NRXN3: variants seen among roughly 807,000 people sequenced by gnomAD.
The protein encoded by NRXN3 is neurexin 3.
A neutral mutation model predicts 137.6 loss-of-function variants in NRXN3; 32 were observed. The observed-to-expected ratio is 0.23, with a 90% CI of 0.18 to 0.31. NRXN3 has a LOEUF of 0.31. Among genes scored for constraint, NRXN3 ranks in the 10% least tolerant of loss-of-function variants. The probability of loss-of-function intolerance (pLI) is 1.00; values close to 1 mark genes in which losing one functional copy is unlikely to be tolerated. For missense variants in NRXN3, 1,574 were observed against 2,062.5 expected (o/e 0.76, Z 4.59); for synonymous variants, 798 against 784.5 (o/e 1.02, Z -0.29).
chr14:79,504,483 A>G lies in NRXN3; in HGVS notation c.3444+37081A>G, dbSNP rs1283719178. ...ACTTACGTCTTCCAAAAAGACTACCAGGATTAAACCAACCACTGAATCATC... is the reference window on the plus strand; with the variant it reads ...ACTTACGTCTTCCAAAAAGACTACCGGGATTAAACCAACCACTGAATCATC... On this transcript the variant is annotated intron_variant, in intron 16 of 20. Transcript: ENST00000335750. Among the ~76,000 whole-genome samples the G allele has an allele frequency of 2.6e-5, 4 of 151,604 alleles. No homozygotes were observed. In the East Asian group the frequency reaches 5.8e-4, roughly 22 times the overall value.
chr14:78,913,274 CTTTTTTTTTTTTTTTT>C (rs1157942892), intron 10 of NRXN3, among the ~76,000 whole-genome samples: 1 of 47,852 alleles, frequency 2.1e-5, no homozygotes, highest in Non-Finnish European at 3.5e-5. Flanking sequence ...TTCTTTCTTT[CTTTTTTTTTTTTTTTT>C]TTTTTTTTGA....
At chr14:78,269,212 TCTGTAA>T (rs1333103399) in intron 2 of NRXN3, among the ~76,000 whole-genome samples, 1 of 152,192 alleles carries the variant, frequency 6.6e-6, no homozygotes, top group Non-Finnish European at 1.5e-5. Context: ...AGCCAGGGCT[TCTGTAA>T]CTAAAATGTG....
intron 15 of NRXN3, among the ~76,000 whole-genome samples, chr14:79,236,344 T>C (rs1246651426): frequency 1.3e-5 from 2 of 152,132 alleles, no homozygotes; most frequent in Non-Finnish European, 2.9e-5. Context: ...TATGTGTGTG[T>C]ATATGTACAT....
chr14:78,321,231 A>G (rs1306055190), intron 4 of NRXN3, among the ~76,000 whole-genome samples: 1 of 152,050 alleles, frequency 6.6e-6, no homozygotes, highest in Non-Finnish European at 1.5e-5. Flanking sequence ...AGCTCTTTCC[A>G]GTGTCTCGTG....
At chr14:79,476,481 G>A (rs2096560853) in intron 16 of NRXN3, among the ~76,000 whole-genome samples, 2 of 152,086 alleles carry the variant, frequency 1.3e-5, no homozygotes, top group South Asian at 4.1e-4. Flanking sequence ...GACAGGAAAT[G>A]AGTTGTCATT....
intron 4 of NRXN3, among the ~76,000 whole-genome samples, chr14:78,606,425 A>G (rs1189802139): frequency 6.6e-6 from 1 of 152,108 alleles, no homozygotes; most frequent in East Asian, 1.9e-4. Context: ...TCATTCTTCT[A>G]GACTAACTCA....
intron 4 of NRXN3, among the ~76,000 whole-genome samples, chr14:78,598,320 C>T (rs934876274): frequency 2.0e-5 from 3 of 151,434 alleles, no homozygotes; most frequent in Admixed American, 6.6e-5. Flanking sequence ...CACTGACTGC[C>T]AAGGGGGCTC....
intron 16 of NRXN3, among the ~76,000 whole-genome samples, chr14:79,581,696 G>T (rs908645130): frequency 4.3e-4 from 66 of 152,158 alleles, no homozygotes; most frequent in African/African-American, 1.5e-3. Flanking sequence ...TTCTGAAAAC[G>T]CTAATGACTG....
intron 6 of NRXN3, among the ~76,000 whole-genome samples, chr14:78,698,733 C>A (rs950439441): frequency 1.3e-5 from 2 of 151,998 alleles, no homozygotes; most frequent in Non-Finnish European, 2.9e-5. Context: ...TGATAGCTGC[C>A]ACTCTGGGGT....
chr14:79,856,062 A>G (rs957848512), intron 20 of NRXN3, among the ~76,000 whole-genome samples: 3 of 152,162 alleles, frequency 2.0e-5, no homozygotes, highest in Non-Finnish European at 4.4e-5. Context: ...ATTGTTGAAA[A>G]ATATAATCTG....
rs552600065 is a variant in NRXN3 at position 79,713,414 on chromosome 14, A to ATAAT, written c.4014+15484_4014+15487dup. On this transcript the variant is annotated intron_variant, in intron 19 of 20. Coordinates refer to ENST00000335750, the MANE Select transcript of NRXN3 (RefSeq NM_001330195.2). Reference sequence around the variant, plus strand: ...ACATACACACAAAAAATGAATAGCTATAATTAATTAGCATAAAGTTTTGAG... The same window carrying ATAAT: ...ACATACACACAAAAAATGAATAGCTATAATTAATTAATTAGCATAAAGTTTTGAG... 3.1e-3 allele frequency among the ~76,000 whole-genome samples: 453 copies of ATAAT among 148,172 alleles called. 2 individuals are homozygous for ATAAT. The highest frequency in any genetic ancestry group is 0.011 in the African/African-American group (438 of 40,666).
Position 78,243,198 on chromosome 14 carries a change from C to A in NRXN3, c.105C>A (p.Asn35Lys). 6.5e-7 allele frequency: 1 copy of A among 1,545,298 alleles called. No individual in the cohort carries two copies. Among genetic ancestry groups the A allele is most frequent in the Non-Finnish European group, 8.7e-7 (1 of 1,152,388 alleles). ...CLGLEFMGLP[N>K]QWARYLRWDA... ...GCCTTGAGTTCATGGGCCTCCCCAA[C>A]CAGTGGGCCCGCTACCTCCGCTGGG... Residue 35 changes from asparagine to lysine, a missense_variant, in exon 2 of 21, where the codon AAC becomes AAA. By Grantham distance (94) the Asn-to-Lys change is moderately conservative (BLOSUM62 0). Transcript: ENST00000335750. The surrounding 1 kb of genome is among the most constrained non-coding windows in gnomAD (Gnocchi z 4.2).
chr14:78,793,406 A>G (rs1337513634), intron 8 of NRXN3, among the ~76,000 whole-genome samples: 1 of 152,194 alleles, frequency 6.6e-6, no homozygotes, highest in African/African-American at 2.4e-5. Context: ...ACCACCCTCA[A>G]TCTGCATCAC....
intron 15 of NRXN3, among the ~76,000 whole-genome samples, chr14:79,190,193 A>G (rs17108889): frequency 0.034 from 5,250 of 152,222 alleles, 224 homozygotes; most frequent in East Asian, 0.21. Context: ...ATTAAGTTGA[A>G]AAGGTCCATA....
intron 10 of NRXN3, among the ~76,000 whole-genome samples, chr14:78,898,634 A>C (rs1302798616): frequency 6.6e-6 from 1 of 151,354 alleles, no homozygotes; most frequent in Non-Finnish European, 1.5e-5. Flanking sequence ...TATATTCCAT[A>C]GATTCATAGT....
intron 1 of NRXN3, among the ~76,000 whole-genome samples, chr14:78,171,193 T>C (rs1217014029): frequency 6.6e-6 from 1 of 151,444 alleles, no homozygotes; most frequent in Non-Finnish European, 1.5e-5. Context: ...TGTTGAGGAA[T>C]TGACGTGTAT....
At chr14:78,968,779 G>A (rs2099428765) in intron 14 of NRXN3, among the ~76,000 whole-genome samples, 1 of 152,172 alleles carries the variant, frequency 6.6e-6, no homozygotes, top group African/African-American at 2.4e-5. Flanking sequence ...GATAGTGACT[G>A]CATTATTTAA....
At chr14:79,421,687 G>C (rs1239683034) in intron 15 of NRXN3, among the ~76,000 whole-genome samples, 1 of 152,116 alleles carries the variant, frequency 6.6e-6, no homozygotes, top group Non-Finnish European at 1.5e-5. Context: ...AACCCATAGA[G>C]GTTGTTTCTT....
At chr14:79,533,135 CAT>C (rs1464792425) in intron 16 of NRXN3, among the ~76,000 whole-genome samples, 3 of 152,068 alleles carry the variant, frequency 2.0e-5, no homozygotes, top group African/African-American at 7.2e-5. Flanking sequence ...TATATTTACT[CAT>C]TAGTTTTTCA....
Sources: allele counts gnomAD v4.1 joint callset (sites outside exome capture counted in the v4.1 genomes callset), GRCh38; gene constraint gnomAD v4.1.1; non-coding constraint Gnocchi (gnomAD v3.1); transcripts MANE v1.5; gene names NCBI Gene and HGNC (gene_info 2026-07-23, HGNC 2026-07-21).